The following AFF3 variants were observed in gnomAD, a reference collection of about 807,000 sequenced individuals.
AFF3 encodes the protein ALF transcription elongation factor 3.
In AFF3, 32 loss-of-function variants were observed where a neutral mutation model predicts 129.7. The observed-to-expected ratio is 0.25, with a 90% CI of 0.19 to 0.33. AFF3 has a LOEUF of 0.33. AFF3 is among the 10% of genes least tolerant of loss of function. AFF3 has a pLI of 1.00. For missense variants in AFF3, 1,373 were observed against 1,592.0 expected, an observed-to-expected ratio of 0.86 and a Z score of 2.34; for synonymous variants, 644 against 635.4, an observed-to-expected ratio of 1.01 and a Z score of -0.20.
At chr2:99,958,751 A>C (rs549435988) in intron 7 of AFF3, among the ~76,000 whole-genome samples, 112 of 152,170 alleles carry the variant, frequency 7.4e-4, no homozygotes, top group African/African-American at 2.6e-3. Context: ...GTTTCACTAG[A>C]GGACCTTTCT....
chr2:100,090,336 G>C (rs1298060788), intron 4 of AFF3, among the ~76,000 whole-genome samples: 4 of 152,156 alleles, frequency 2.6e-5, no homozygotes, highest in Non-Finnish European at 5.9e-5. Context: ...GATTTGACCA[G>C]ATGTGGCAAA....
intron 10 of AFF3, among the ~76,000 whole-genome samples, chr2:99,736,688 C>A (rs1440591557): frequency 6.8e-6 from 1 of 148,018 alleles, no homozygotes; most frequent in Non-Finnish European, 1.5e-5. Flanking sequence ...TGGCTCACTG[C>A]AACCTCCACC....
intron 22 of AFF3, among the ~76,000 whole-genome samples, chr2:99,558,061 G>C (rs944786797): frequency 6.6e-6 from 1 of 152,114 alleles, no homozygotes; most frequent in East Asian, 1.9e-4. Context: ...AGTAAAAGGT[G>C]GCATGGTTTG....
chr2:99,659,706 G>C (rs1315651731), intron 12 of AFF3, among the ~76,000 whole-genome samples: 1 of 152,170 alleles, frequency 6.6e-6, no homozygotes, highest in Admixed American at 6.5e-5. Flanking sequence ...CAGAGTGACT[G>C]GAGCATGAGG....
chr2:99,873,327 T>C (rs1692023838), intron 7 of AFF3, among the ~76,000 whole-genome samples: 1 of 152,256 alleles, frequency 6.6e-6, no homozygotes, highest in Non-Finnish European at 1.5e-5. Context: ...TCCTGCTAAG[T>C]TGCCTGCAGT....
At position 99,672,597 on chromosome 2, in the gene AFF3, AAGGAACAAAG is replaced by A. The variant is rs1229907777; in HGVS notation, c.1092-18_1092-9del. 2.5e-6 allele frequency: 4 copies of A among 1,614,028 alleles called. No homozygotes were observed. The highest frequency in any genetic ancestry group is 1.7e-6 in the Non-Finnish European group (2 of 1,179,864). ...AGGTCATCTTCCAGCATTCTGAAAG[AAGGAACAAAG>A]AGGTACAAAGAGGTACAGATAGTTA... On this transcript the variant is annotated splice_polypyrimidine_tract_variant and intron_variant, in intron 11 of 24. Coordinates refer to ENST00000672756, the MANE Select transcript of AFF3 (RefSeq NM_001386135.1).
At chr2:99,928,251 T>C (rs1171148099) in intron 7 of AFF3, among the ~76,000 whole-genome samples, 2 of 152,210 alleles carry the variant, frequency 1.3e-5, no homozygotes, top group African/African-American at 4.8e-5. Flanking sequence ...TGTACTAATA[T>C]GGGAAGGGAA....
chr2:100,121,204 C>G (rs1691950364), intron 2 of AFF3, among the ~76,000 whole-genome samples: 1 of 152,146 alleles, frequency 6.6e-6, no homozygotes, highest in African/African-American at 2.4e-5. Context: ...CAAAACCACC[C>G]ATGGTCCACC....
chr2:99,584,199 G>A (rs1445707286), intron 16 of AFF3, among the ~76,000 whole-genome samples: 1 of 151,956 alleles, frequency 6.6e-6, no homozygotes, highest in African/African-American at 2.4e-5. Flanking sequence ...CGGGTGTGGT[G>A]GCTCACGCCT....
intron 7 of AFF3, among the ~76,000 whole-genome samples, chr2:99,934,613 C>T (rs148400545): frequency 1.3e-5 from 2 of 152,166 alleles, no homozygotes; most frequent in African/African-American, 4.8e-5. Context: ...AGGGAATATC[C>T]CACAAAACCT....
chr2:99,765,443 TG>T (rs1198172043), intron 8 of AFF3, among the ~76,000 whole-genome samples: 4 of 152,228 alleles, frequency 2.6e-5, no homozygotes, highest in African/African-American at 9.6e-5. Flanking sequence ...AGATCGGGCT[TG>T]GAGTCAGCAT....
intron 8 of AFF3, among the ~76,000 whole-genome samples, chr2:99,805,717 T>C (rs1686288472): frequency 6.6e-6 from 1 of 152,086 alleles, no homozygotes; most frequent in Non-Finnish European, 1.5e-5. Flanking sequence ...ACTTATCCTA[T>C]TGCTTCACAA....
Position 99,582,621 on chromosome 2 carries a change from C to T in AFF3, c.2793+177G>A, listed in dbSNP as rs184430459. On this transcript the variant is annotated intron_variant, in intron 17 of 24. Coordinates refer to ENST00000672756, the MANE Select transcript of AFF3 (RefSeq NM_001386135.1). ...TCCCTCAGGGTTCTTCTTCCCCGCT[C>T]TCTGTTGGGACAGTGAAGGGGGCTG... 2.6e-5 allele frequency among the ~76,000 whole-genome samples: 4 copies of T among 152,338 alleles called. No individual in the cohort carries two copies. The East Asian group carries it at 7.7e-4, about 29-fold the overall frequency.
chr2:99,725,764 A>G (rs1679317017), intron 11 of AFF3, among the ~76,000 whole-genome samples: 1 of 152,268 alleles, frequency 6.6e-6, no homozygotes, highest in African/African-American at 2.4e-5. Context: ...GTCACTTTCC[A>G]ACATACTTTG....
intron 11 of AFF3, among the ~76,000 whole-genome samples, chr2:99,716,603 C>G (rs1463142692): frequency 6.7e-6 from 1 of 149,678 alleles, no homozygotes; most frequent in Non-Finnish European, 1.5e-5. Flanking sequence ...TATATATAGG[C>G]TGGGTGTGGT....
chr2:100,057,188 G>C (rs1244851535), intron 4 of AFF3, among the ~76,000 whole-genome samples: 4 of 151,964 alleles, frequency 2.6e-5, no homozygotes, highest in Non-Finnish European at 1.5e-5. Context: ...AGGCATGGTG[G>C]CGGGCGCCTG....
At chr2:99,632,918 C>A (rs765651259) in intron 13 of AFF3, among the ~76,000 whole-genome samples, 15 of 152,148 alleles carry the variant, frequency 9.9e-5, no homozygotes, top group Non-Finnish European at 1.5e-4. Context: ...CACCAGCCAC[C>A]CTAACCATGG....
At chr2:99,981,859 A>G (rs1679435881) in intron 7 of AFF3, among the ~76,000 whole-genome samples, 2 of 152,246 alleles carry the variant, frequency 1.3e-5, no homozygotes, top group Admixed American at 6.5e-5. Context: ...GAGCTTCAAA[A>G]TGCCACTTAC....
intron 8 of AFF3, among the ~76,000 whole-genome samples, chr2:99,802,370 C>G (rs757168273): frequency 1.3e-5 from 2 of 152,140 alleles, no homozygotes; most frequent in Non-Finnish European, 2.9e-5. Context: ...TTCCCACTTA[C>G]ATTAAAAGTT....
Sources: allele counts gnomAD v4.1 joint callset (sites outside exome capture counted in the v4.1 genomes callset), GRCh38; gene constraint gnomAD v4.1.1; transcripts MANE v1.5; gene names NCBI Gene and HGNC (gene_info 2026-07-23, HGNC 2026-07-21).